Variants in RAB27A observed in about 807,000 individuals in gnomAD.
RAB27A encodes the protein ras-related protein Rab-27A.
Under a neutral mutation model 20.8 loss-of-function variants are expected in RAB27A, and 17 were observed. The observed-to-expected ratio is 0.82, with a 90% CI of 0.56 to 1.23. The LOEUF is 1.23. Among genes scored for constraint, RAB27A ranks in the 50% most tolerant of loss-of-function variants. The pLI is 0.00. For missense variants in RAB27A, 277 were observed against 266.7 expected (o/e 1.04, Z -0.27); for synonymous variants, 85 against 92.8 (o/e 0.92, Z 0.48).
chr15:55,315,349 G>A (rs1209815945), intron 1 of RAB27A, among the ~76,000 whole-genome samples: 1 of 152,064 alleles, frequency 6.6e-6, no homozygotes, highest in Non-Finnish European at 1.5e-5. Context: ...ACATAGGCAC[G>A]GGCAAAGACT....
At chr15:55,245,285 T>C (rs1210071480) in intron 2 of RAB27A, among the ~76,000 whole-genome samples, 2 of 152,182 alleles carry the variant, frequency 1.3e-5, no homozygotes, top group Non-Finnish European at 2.9e-5. Flanking sequence ...CTGGTCTAGA[T>C]GTGCGTAGAT....
rs575315872 is a variant in RAB27A at position 55,253,292 on chromosome 15, C to G, written c.-23+16873G>C. ...GTGAAACCCATCTCTACTAAAAATA[C>G]AAAAATTAGCCGGGCACGGTGGCGG... On this transcript the variant is annotated intron_variant, in intron 2 of 6. Coordinates refer to ENST00000336787, the MANE Select transcript of RAB27A (RefSeq NM_183235.3). Among the ~76,000 whole-genome samples the G allele has an allele frequency of 2.1e-3, 318 of 151,524 alleles. 1 individual carries two copies. Among genetic ancestry groups the G allele is most frequent in the Non-Finnish European group, 3.0e-3 (205 of 67,830 alleles).
chr15:55,217,137 C>A (rs970239955), intron 6 of RAB27A, among the ~76,000 whole-genome samples: 8 of 152,102 alleles, frequency 5.3e-5, no homozygotes, highest in Admixed American at 4.6e-4. Flanking sequence ...ATTTGTAAAC[C>A]TCTAGGTCAT....
chr15:55,223,361 T>C (rs553278744), intron 6 of RAB27A, among the ~76,000 whole-genome samples: 3 of 151,796 alleles, frequency 2.0e-5, no homozygotes, highest in Admixed American at 1.3e-4. Context: ...ATACAAAAAT[T>C]AGCCGGGCAT....
chr15:55,214,424 A>G (rs555960985), intron 6 of RAB27A, among the ~76,000 whole-genome samples: 14 of 152,336 alleles, frequency 9.2e-5, no homozygotes, highest in Admixed American at 7.8e-4. Context: ...CGACAGAGCG[A>G]GACTCCGTCT....
rs150463407 is a variant in RAB27A at position 55,223,938 on chromosome 15, G to A, written c.418C>T (p.Gln140Ter). 2 of 1,613,672 alleles carry A rather than the reference G, an allele frequency of 1.2e-6. No individual in the cohort carries two copies. The highest frequency in any genetic ancestry group is 8.5e-7 in the Non-Finnish European group (1 of 1,179,826). Residue 140 changes from glutamine (Q) to a stop codon, truncating the protein, a stop_gained, in exon 6 of 7, where the codon CAG (glutamine) becomes TAG (stop). Coordinates refer to ENST00000336787, the MANE Select transcript of RAB27A (RefSeq NM_183235.3). LOFTEE classifies it high-confidence loss of function. The part of the protein sequence containing the change: ...LCGNKSDLED[Q>*]RVVKEEEAIA... ...GCTTCCTCCTCTTTCACTACTCTCTGGTCCTCCAGATCACTCTTGTTTCCA... is the reference window on the plus strand; with the variant it reads ...GCTTCCTCCTCTTTCACTACTCTCTAGTCCTCCAGATCACTCTTGTTTCCA...
At chr15:55,215,651 CAA>C (rs562538229) in intron 6 of RAB27A, among the ~76,000 whole-genome samples, 14 of 76,542 alleles carry the variant, frequency 1.8e-4, no homozygotes, top group Admixed American at 7.9e-4. Flanking sequence ...GACTCCGTCT[CAA>C]AAAAAAAAAA....
At chr15:55,318,017 T>A (rs1239828582) in intron 1 of RAB27A, 2 of 320,516 alleles carry the variant, frequency 6.2e-6, no homozygotes, top group African/African-American at 4.3e-5. Flanking sequence ...GTACAGGAAG[T>A]GAATTAGGGA....
intron 2 of RAB27A, among the ~76,000 whole-genome samples, chr15:55,239,322 A>T (rs1217974489): frequency 6.6e-6 from 1 of 152,240 alleles, no homozygotes. Flanking sequence ...ATGTTCAAAC[A>T]GTTCAAAACT....
chr15:55,268,401 C>T (rs1897583954), intron 2 of RAB27A, among the ~76,000 whole-genome samples: 1 of 152,206 alleles, frequency 6.6e-6, no homozygotes, highest in Non-Finnish European at 1.5e-5. Flanking sequence ...GCCTCAATTT[C>T]TTCATCTGTA....
intron 1 of RAB27A, chr15:55,318,927 G>A (rs771137229): frequency 7.2e-6 from 2 of 278,178 alleles, no homozygotes; most frequent in East Asian, 7.9e-5. Context: ...AACCACTCAG[G>A]TACCTCCGAC....
intron 2 of RAB27A, among the ~76,000 whole-genome samples, chr15:55,255,854 T>C (rs1897059096): frequency 6.6e-6 from 1 of 152,096 alleles, no homozygotes; most frequent in African/African-American, 2.4e-5. Context: ...TGGTACACCA[T>C]GTGCACCAGC....
intron 2 of RAB27A, among the ~76,000 whole-genome samples, chr15:55,302,222 C>G (rs1205324034): frequency 6.7e-6 from 1 of 150,246 alleles, no homozygotes; most frequent in African/African-American, 2.5e-5. Context: ...TCAAAAACAA[C>G]AACAACACCC....
chr15:55,304,088 A>G (rs1400186338), intron 2 of RAB27A, among the ~76,000 whole-genome samples: 1 of 152,168 alleles, frequency 6.6e-6, no homozygotes, highest in African/African-American at 2.4e-5. Flanking sequence ...AGAGGTAGAC[A>G]TGGGAGACTT....
chr15:55,215,405 C>A lies in RAB27A; in HGVS notation c.467+8484G>T, dbSNP rs60411614. On this transcript the variant is annotated intron_variant, in intron 6 of 6. Transcript: ENST00000336787. Reference sequence around the variant, plus strand: ...CGGTGGCTCACGCCTGTCATCCCAGCACTTTGGGAGGCCGAGGAGGGCGGA... The same window carrying A: ...CGGTGGCTCACGCCTGTCATCCCAGAACTTTGGGAGGCCGAGGAGGGCGGA... Among the ~76,000 whole-genome samples the A allele has an allele frequency of 5.9e-3, 905 of 152,236 alleles. 11 individuals are homozygous for A. The highest frequency in any genetic ancestry group is 0.021 in the African/African-American group (866 of 41,522).
At chr15:55,307,910 T>C (rs2055005121) in intron 2 of RAB27A, among the ~76,000 whole-genome samples, 1 of 151,966 alleles carries the variant, frequency 6.6e-6, no homozygotes, top group East Asian at 1.9e-4. Context: ...GTGCTATCAA[T>C]GCCTAAGTGA....
At chr15:55,291,090 A>G (rs1200124424), upstream of RAB27A, among the ~76,000 whole-genome samples, 1 of 152,244 alleles carries the variant, frequency 6.6e-6, no homozygotes, top group Non-Finnish European at 1.5e-5. Context: ...CATACATTTG[A>G]TATAACATTT....
In RAB27A at chr15:55,264,533, T is replaced by C. The variant is rs552356928; in HGVS notation, c.-23+5632A>G. 1.4e-4 allele frequency among the ~76,000 whole-genome samples: 21 copies of C among 152,216 alleles called. 1 individual carries two copies. The highest frequency in any genetic ancestry group is 5.1e-4 in the African/African-American group (21 of 41,540). ...GTGAAATTATCAAAATTACGAAGCA[T>C]AGGAGGATGTGGGAAAGGGTTGTAG... is the stretch of plus-strand genomic sequence containing the variant. On this transcript the variant is annotated intron_variant, in intron 2 of 6. Coordinates refer to ENST00000336787, the MANE Select transcript of RAB27A (RefSeq NM_183235.3).
At chr15:55,300,249 T>G (rs1199380075) in intron 2 of RAB27A, among the ~76,000 whole-genome samples, 1 of 152,144 alleles carries the variant, frequency 6.6e-6, no homozygotes, top group East Asian at 1.9e-4. Flanking sequence ...AAAATTATAA[T>G]ATGCTTGCGT....
Sources: gnomAD v4.1 joint callset for allele counts (sites outside exome capture counted in the v4.1 genomes callset) on GRCh38, gnomAD v4.1.1 for gene constraint, MANE v1.5 for transcripts, NCBI Gene and HGNC (gene_info 2026-07-23, HGNC 2026-07-21) for gene names.